The following DDX27 variants were observed in gnomAD, a reference collection of about 807,000 sequenced individuals.
The protein encoded by DDX27 is probable ATP-dependent RNA helicase DDX27.
In DDX27, 42 loss-of-function variants were observed where a neutral mutation model predicts 99.3. That is an observed-to-expected ratio of 0.42 (90% CI 0.33 to 0.55). DDX27 has a LOEUF of 0.55. DDX27 is among the 20% of genes least tolerant of loss of function. DDX27 has a pLI of 0.07. For synonymous variants in DDX27, 329 were observed against 353.8 expected, an observed-to-expected ratio of 0.93 and a Z score of 0.79; for missense variants, 798 against 976.8, an observed-to-expected ratio of 0.82 and a Z score of 2.44.
intron 19 of DDX27, 36 bp downstream of exon 19, chr20:49,242,717 CTTTTTTTTTTTTTTTTT>C: frequency 7.0e-7 from 1 of 1,419,492 alleles, no homozygotes; most frequent in South Asian, 1.3e-5. Flanking sequence ...CCTTGGTATT[CTTTTTTTTTTTTTTTTT>C]TTTTTTGAGA....
At chr20:49,242,912 G>A (rs1302688914) in intron 19 of DDX27, among the ~76,000 whole-genome samples, 5 of 152,010 alleles carry the variant, frequency 3.3e-5, no homozygotes, top group Non-Finnish European at 2.9e-5. Flanking sequence ...AGTAGAGATG[G>A]GGTTTCACCA....
chr20:49,228,867 A>G lies in DDX27; in HGVS notation c.859A>G (p.Ile287Val), dbSNP rs756347792. ...VTRQLAQFCNITTCLAVGGLD... is the reference protein window; with the variant it reads ...VTRQLAQFCNVTTCLAVGGLD... The stretch of plus-strand genomic sequence containing the variant: ...CAGACAGCTGGCCCAGTTCTGCAAC[A>G]TCACCACCTGCCTGGCTGTGGGTGA... Residue 287 changes from isoleucine (I) to valine (V), a missense_variant, in exon 8 of 21, where the codon ATC becomes GTC. Physicochemically the swap from Ile to Val is conservative, Grantham distance 29. Around this residue, in one of 2 missense-constraint regions of DDX27, gnomAD observed 553 missense variants for 727.9 expected, o/e 0.76. Transcript: ENST00000618172. The G allele has an allele frequency of 2.5e-6, 4 of 1,600,354 alleles. No individual in the cohort carries two copies. The Admixed American group carries it at 6.7e-5, about 27-fold the overall frequency.
At position 49,236,052 on chromosome 20, in the gene DDX27, A is replaced by G. The variant is rs1413592163; in HGVS notation, c.1428-98A>G. 44 of 1,234,152 alleles carry G rather than the reference A, an allele frequency of 3.6e-5. 1 individual carries two copies. Among genetic ancestry groups the G allele is most frequent in the Non-Finnish European group, 4.9e-5 (43 of 884,080 alleles). 76.5% of individuals were successfully genotyped at this position (1,234,152 alleles called of 1,614,324 possible). On this transcript the variant is annotated intron_variant, in intron 12 of 20. Coordinates refer to ENST00000618172, the MANE Select transcript of DDX27 (RefSeq NM_017895.8). This position sits in a 1 kb window ranked among gnomAD's most constrained non-coding sequence, Gnocchi z 4.1. Reference sequence around the variant, plus strand: ...GCCACCGTGCCCAGCCTCTATCCCCATTTTAATGCCCTGTTCTGTCCTCTG... The same window carrying G: ...GCCACCGTGCCCAGCCTCTATCCCCGTTTTAATGCCCTGTTCTGTCCTCTG...
Position 49,239,065 on chromosome 20 carries a change from C to G in DDX27, c.1794+10C>G, listed in dbSNP as rs369873210. On this transcript the variant is annotated intron_variant, in intron 15 of 20. Transcript: ENST00000618172. Reference sequence around the variant, plus strand: ...GCAGTCAGAAGCCCAGGTGAGGCTGCGAGGCGGGATCTTGTTCACAAGGCT... The same window carrying G: ...GCAGTCAGAAGCCCAGGTGAGGCTGGGAGGCGGGATCTTGTTCACAAGGCT... The G allele has an allele frequency of 6.2e-7, 1 of 1,607,662 alleles. No homozygotes were observed. The highest frequency in any genetic ancestry group is 8.5e-7 in the Non-Finnish European group (1 of 1,174,334).
intron 2 of DDX27, among the ~76,000 whole-genome samples, chr20:49,222,645 G>C (rs1487518441): frequency 6.6e-6 from 1 of 152,018 alleles, no homozygotes; most frequent in Non-Finnish European, 1.5e-5. Context: ...CTCCCGAGTA[G>C]CTGGGATTAC....
At chr20:49,235,746 ATTT>A (rs1403906799) in intron 12 of DDX27, 3 of 143,456 alleles carry the variant, frequency 2.1e-5, no homozygotes, top group Admixed American at 7.0e-5. Flanking sequence ...ATCTATCCCT[ATTT>A]TTTTTTTTTT....
At position 49,221,504 on chromosome 20, in the gene DDX27, C is replaced by G. The variant is rs1428853635; in HGVS notation, c.146C>G (p.Ala49Gly). ...RQKALGKNRS[A>G]DFNPDFVFTE... ...AAAGCTTTGGGGAAGAACCGCAGTG[C>G]TGATTTCAACCCTGATTTCGTTTTC... The change falls in exon 2 of 21, where the codon GCT (alanine) becomes GGT (glycine). Residue 49 changes from alanine (A) to glycine (G), a missense_variant. Ala to Gly is a moderately conservative substitution (Grantham distance 60). Transcript: ENST00000618172. The G allele has an allele frequency of 6.2e-7, 1 of 1,613,626 alleles. No individual in the cohort carries two copies. The highest frequency in any genetic ancestry group is 8.5e-7 in the Non-Finnish European group (1 of 1,179,994).
intron 19 of DDX27, among the ~76,000 whole-genome samples, 185 bp downstream of exon 19, chr20:49,242,866 C>T (rs570375723): frequency 2.6e-5 from 4 of 151,998 alleles, no homozygotes; most frequent in Non-Finnish European, 5.9e-5. Flanking sequence ...GGACTATAGG[C>T]GCACGCCACC....
intron 1 of DDX27, 147 bp downstream of exon 1, chr20:49,219,688 C>T: frequency 2.4e-6 from 2 of 833,360 alleles, no homozygotes; most frequent in Non-Finnish European, 3.6e-6. Flanking sequence ...AGATCTTCCT[C>T]AGTTTCCCCG....
At chr20:49,229,030 C>T in intron 8 of DDX27, 142 bp downstream of exon 8, 11 of 286,492 alleles carry the variant, frequency 3.8e-5, no homozygotes, top group South Asian at 2.1e-4. Flanking sequence ...AACTGGAAGA[C>T]TTTTTTTTTT....
At chr20:49,229,582 C>A (rs908479046) in intron 8 of DDX27, among the ~76,000 whole-genome samples, 6 of 151,982 alleles carry the variant, frequency 3.9e-5, no homozygotes, top group Admixed American at 2.0e-4. Flanking sequence ...ATCTTTGTCT[C>A]CCTGTAACAG....
intron 7 of DDX27, among the ~76,000 whole-genome samples, chr20:49,228,507 A>T (rs910166217): frequency 6.6e-6 from 1 of 152,064 alleles, no homozygotes; most frequent in African/African-American, 2.4e-5. Flanking sequence ...TCCTGACCTC[A>T]GGTGATCCGC....
chr20:49,223,568 C>A, intron 4 of DDX27, 135 bp downstream of exon 4: 31 of 634,226 alleles, frequency 4.9e-5, no homozygotes, highest in Non-Finnish European at 6.6e-5. Context: ...GAACTCCTTT[C>A]TTTCTTTTTT....
chr20:49,238,977 T>G lies in DDX27; in HGVS notation c.1716T>G (p.Ile572Met). The change falls in exon 15 of 21, where the codon ATT becomes ATG. Residue 572 changes from isoleucine (I) to methionine (M), a missense_variant. Physicochemically the swap from Ile to Met is conservative, Grantham distance 10. This residue lies in a region of DDX27 where 553 missense variants were observed against 727.9 expected (regional missense o/e 0.76). Transcript: ENST00000618172. ...TCATCCTCAAATTCCGGGACAAGATTGAGAAAATGGAGAAAGATGTGTATG... is the reference window on the plus strand; with the variant it reads ...TCATCCTCAAATTCCGGGACAAGATGGAGAAAATGGAGAAAGATGTGTATG... ...QDVILKFRDK[I>M]EKMEKDVYAV... The G allele has an allele frequency of 6.2e-7, 1 of 1,613,872 alleles. No individual in the cohort carries two copies. Among genetic ancestry groups the G allele is most frequent in the Non-Finnish European group, 8.5e-7 (1 of 1,179,866 alleles).
intron 4 of DDX27, among the ~76,000 whole-genome samples, chr20:49,224,221 G>A (rs1979793163): frequency 6.6e-6 from 1 of 151,984 alleles, no homozygotes; most frequent in African/African-American, 2.4e-5. Context: ...TTTTGTTTGG[G>A]TTGTTGTACT....
chr20:49,243,207 C>T (rs1980538529), intron 19 of DDX27, among the ~76,000 whole-genome samples: 1 of 152,162 alleles, frequency 6.6e-6, no homozygotes, highest in Non-Finnish European at 1.5e-5. Context: ...TAGCACTGTT[C>T]CTGCCTTGGA....
At chr20:49,240,116 A>C (rs1257456083) in intron 16 of DDX27, among the ~76,000 whole-genome samples, 1 of 152,202 alleles carries the variant, frequency 6.6e-6, no homozygotes. Context: ...CAATGATGTC[A>C]GTGAGTAGCC....
At chr20:49,230,739 A>T (rs1169565915) in intron 9 of DDX27, among the ~76,000 whole-genome samples, 1 of 152,160 alleles carries the variant, frequency 6.6e-6, no homozygotes. Flanking sequence ...GGCCTCTGTG[A>T]CTGCAGTGGG....
chr20:49,223,469 A>G (rs1188987847), intron 4 of DDX27, 36 bp downstream of exon 4: 2 of 1,575,968 alleles, frequency 1.3e-6, no homozygotes, highest in South Asian at 1.2e-5. Flanking sequence ...TAATGGGGAC[A>G]GGAGATCAGA....
Sources: allele counts gnomAD v4.1 joint callset (sites outside exome capture counted in the v4.1 genomes callset), GRCh38; gene constraint gnomAD v4.1.1; regional missense constraint gnomAD v4.1.1; non-coding constraint Gnocchi (gnomAD v3.1); transcripts MANE v1.5; gene names NCBI Gene and HGNC (gene_info 2026-07-23, HGNC 2026-07-21).